The following HDAC9 variants were observed in gnomAD, a reference collection of about 807,000 sequenced individuals.
HDAC9 encodes histone deacetylase 9, also known as MEF-2 interacting transcription repressor (MITR) protein.
A neutral mutation model predicts 139.4 loss-of-function variants in HDAC9; 41 were observed. The ratio of observed to expected loss-of-function variants is 0.29; its 90% CI spans 0.23 to 0.38. The LOEUF (loss-of-function observed/expected upper bound fraction) is 0.38. Among genes scored for constraint, HDAC9 ranks in the 10% least tolerant of loss-of-function variants. The pLI, the probability that HDAC9 is intolerant of heterozygous loss-of-function variation, is 1.00. For missense variants in HDAC9, 1,147 were observed against 1,297.0 expected, an observed-to-expected ratio of 0.88 and a Z score of 1.78; for synonymous variants, 517 against 476.2, an observed-to-expected ratio of 1.09 and a Z score of -1.12.
intron 1 of HDAC9, among the ~76,000 whole-genome samples, chr7:18,088,326 C>T (rs1016835275): frequency 6.6e-6 from 1 of 152,114 alleles, no homozygotes; most frequent in Non-Finnish European, 1.5e-5. Flanking sequence ...AATGCATATA[C>T]AACTAAATAC....
rs1407667618 is a variant in HDAC9 at position 18,634,731 on chromosome 7, C to A, written c.901C>A (p.Pro301Thr). The stretch of plus-strand genomic sequence containing the variant: ...TGAGACTTCGGTTTTGCCCCCTACC[C>A]CTCATGCCGAGGTAAGACCCTTATT... Reference protein sequence around the residue: ...ENETSVLPPTPHAEQMVSQQR... With the variant: ...ENETSVLPPTTHAEQMVSQQR... The change falls in exon 8 of 26, where the codon CCT becomes ACT. Residue 301 changes from proline (P) to threonine (T), a missense_variant. Transcript: ENST00000686413. 2.5e-6 allele frequency: 4 copies of A among 1,590,024 alleles called. No individual in the cohort carries two copies. Among genetic ancestry groups the A allele is most frequent in the Non-Finnish European group, 3.4e-6 (4 of 1,166,036 alleles).
At chr7:18,249,524 CAAAAAA>C (rs1417150363) in intron 2 of HDAC9, among the ~76,000 whole-genome samples, 2 of 49,012 alleles carry the variant, frequency 4.1e-5, no homozygotes, top group Non-Finnish European at 5.6e-5. Flanking sequence ...AAAAAAAAAA[CAAAAAA>C]AAAACTTTCT....
intron 17 of HDAC9, among the ~76,000 whole-genome samples, chr7:18,796,233 G>A (rs1055088869): frequency 3.9e-5 from 6 of 152,162 alleles, no homozygotes; most frequent in African/African-American, 1.2e-4. Context: ...GATCACAGAG[G>A]ATGAGGACCT....
intron 2 of HDAC9, among the ~76,000 whole-genome samples, chr7:18,200,886 G>A (rs766680996): frequency 6.6e-6 from 1 of 152,078 alleles, no homozygotes; most frequent in African/African-American, 2.4e-5. Context: ...CTGGCTCTTG[G>A]CTGACTTCAG....
intron 1 of HDAC9, among the ~76,000 whole-genome samples, chr7:18,454,633 T>C (rs1563004768): frequency 6.6e-6 from 1 of 152,068 alleles, no homozygotes; most frequent in Non-Finnish European, 1.5e-5. Flanking sequence ...TATTTACTTT[T>C]CTTATTGCTC....
chr7:18,877,414 C>T (rs994107885), intron 22 of HDAC9, among the ~76,000 whole-genome samples: 3 of 152,040 alleles, frequency 2.0e-5, no homozygotes, highest in East Asian at 1.9e-4. Context: ...GATCCCAAAA[C>T]GAAGTTAGAA....
At chr7:18,202,922 A>G (rs568492452) in intron 2 of HDAC9, among the ~76,000 whole-genome samples, 41 of 152,334 alleles carry the variant, frequency 2.7e-4, no homozygotes, top group Non-Finnish European at 1.0e-4. Context: ...CATCTGCACA[A>G]TGGGCATACT....
At chr7:18,421,846 C>T (rs1315642797) in intron 1 of HDAC9, among the ~76,000 whole-genome samples, 7 of 152,160 alleles carry the variant, frequency 4.6e-5, no homozygotes, top group Admixed American at 3.3e-4. Flanking sequence ...AGCACTAAAT[C>T]TTGAAAGGCT....
intron 2 of HDAC9, among the ~76,000 whole-genome samples, chr7:18,549,661 C>T (rs1026204545): frequency 1.3e-5 from 2 of 152,020 alleles, no homozygotes; most frequent in Non-Finnish European, 2.9e-5. Flanking sequence ...TTGGGGAAAA[C>T]TAGGTGAAGC....
chr7:18,668,838 A>G, intron 12 of HDAC9: 1 of 983,652 alleles, frequency 1.0e-6, no homozygotes, highest in Non-Finnish European at 1.2e-6. Flanking sequence ...AGTTTTTTTT[A>G]AAAGATCCCC....
At chr7:18,227,197 A>G (rs1793114031) in intron 2 of HDAC9, among the ~76,000 whole-genome samples, 1 of 152,222 alleles carries the variant, frequency 6.6e-6, no homozygotes, top group Non-Finnish European at 1.5e-5. Flanking sequence ...CATAAATTTA[A>G]TTAGCCTTCT....
chr7:18,972,365 T>C (rs1004525558), intron 24 of HDAC9, among the ~76,000 whole-genome samples: 107 of 141,306 alleles, frequency 7.6e-4, no homozygotes, highest in Middle Eastern at 3.6e-3. Context: ...TTCGATGAAC[T>C]TCTCTTTTTT....
intron 2 of HDAC9, among the ~76,000 whole-genome samples, chr7:18,165,087 T>C (rs375719030): frequency 2.8e-4 from 43 of 152,362 alleles, no homozygotes; most frequent in African/African-American, 1.0e-3. Context: ...AGAAATTTAT[T>C]TCCTCTGTAC....
intron 2 of HDAC9, among the ~76,000 whole-genome samples, chr7:18,226,711 A>G (rs979106038): frequency 6.6e-6 from 1 of 152,212 alleles, no homozygotes; most frequent in Non-Finnish European, 1.5e-5. Context: ...GGTTTGGGCA[A>G]GAAGAAAGAT....
rs1794823247 is a variant in HDAC9 at position 18,250,101 on chromosome 7, A to G, written c.25+87752A>G. Among the ~76,000 whole-genome samples the G allele has an allele frequency of 2.0e-5, 3 of 152,322 alleles. No individual in the cohort carries two copies. The South Asian group carries it at 6.2e-4, about 32-fold the overall frequency. The stretch of plus-strand genomic sequence containing the variant: ...GGTGGACTATTGAAATAGGAAGGAA[A>G]ACCATACCTTATTTAGATATGATAC... On this transcript the variant is annotated intron_variant, in intron 2 of 12. Coordinates refer to the HDAC9 transcript ENST00000417496.
chr7:18,519,495 G>A (rs1311166233), intron 2 of HDAC9, among the ~76,000 whole-genome samples: 1 of 152,058 alleles, frequency 6.6e-6, no homozygotes, highest in Non-Finnish European at 1.5e-5. Context: ...ACCAAAAATA[G>A]GCAGTAAGTA....
At chr7:18,229,447 C>T (rs1248132170) in intron 2 of HDAC9, among the ~76,000 whole-genome samples, 1 of 152,188 alleles carries the variant, frequency 6.6e-6, no homozygotes, top group Admixed American at 6.5e-5. Context: ...CACCTTCGAA[C>T]GTATTCCAGC....
At chr7:18,616,714 G>A (rs1293951994) in intron 6 of HDAC9, among the ~76,000 whole-genome samples, 1 of 152,240 alleles carries the variant, frequency 6.6e-6, no homozygotes, top group East Asian at 1.9e-4. Context: ...GACTTGGAAG[G>A]TTCTGAAACA....
At chr7:18,180,841 T>C (rs1045504430) in intron 2 of HDAC9, among the ~76,000 whole-genome samples, 19 of 152,206 alleles carry the variant, frequency 1.2e-4, no homozygotes, top group African/African-American at 4.6e-4. Flanking sequence ...AATGAAGGTG[T>C]CAGTAGGACC....
Sources: allele counts gnomAD v4.1 joint callset (sites outside exome capture counted in the v4.1 genomes callset), GRCh38; gene constraint gnomAD v4.1.1; transcripts MANE v1.5; gene names NCBI Gene and HGNC (gene_info 2026-07-23, HGNC 2026-07-21).